The following GLIS3 variants were observed in gnomAD, a reference collection of about 807,000 sequenced individuals.
The protein encoded by GLIS3 is GLIS family zinc finger 3.
In GLIS3, 53 loss-of-function variants were observed where a neutral mutation model predicts 78.6. The observed-to-expected ratio is 0.67, with a 90% confidence interval of 0.54 to 0.85. GLIS3 has a LOEUF of 0.85. GLIS3 is among the 40% of genes least tolerant of loss of function. The pLI is 0.00. For missense variants in GLIS3, 1,703 were observed against 1,231.1 expected, an observed-to-expected ratio of 1.38 and a Z score of -5.74; for synonymous variants, 684 against 509.9, an observed-to-expected ratio of 1.34 and a Z score of -4.60.
intron 4 of GLIS3, among the ~76,000 whole-genome samples, chr9:4,308,190 A>G (rs1817278024): frequency 1.3e-5 from 2 of 151,926 alleles, no homozygotes; most frequent in Admixed American, 1.3e-4. Context: ...CCCTGCCACC[A>G]CCCACTTTCT....
chr9:4,338,627 G>A (rs1325024322), intron 2 of GLIS3, among the ~76,000 whole-genome samples: 3 of 152,158 alleles, frequency 2.0e-5, no homozygotes, highest in Admixed American at 1.3e-4. Flanking sequence ...TTGTTCACAG[G>A]CATTGTTCTG....
chr9:4,455,359 G>A, the GLIS3 span, among the ~76,000 whole-genome samples: 1 of 152,186 alleles, frequency 6.6e-6, no homozygotes, highest in Non-Finnish European at 1.5e-5. Flanking sequence ...TATTAGTGGA[G>A]AGATTATTAA....
intron 4 of GLIS3, among the ~76,000 whole-genome samples, chr9:4,089,837 T>C (rs1464751931): frequency 6.6e-6 from 1 of 152,000 alleles, no homozygotes; most frequent in African/African-American, 2.4e-5. Flanking sequence ...CAAAAACCCA[T>C]AAAAAATTGA....
intron 4 of GLIS3, among the ~76,000 whole-genome samples, chr9:3,940,936 G>C (rs939227902): frequency 6.6e-6 from 1 of 152,176 alleles, no homozygotes; most frequent in Non-Finnish European, 1.5e-5. Flanking sequence ...GCACCCCTGA[G>C]GAGTGGTTCT....
rs10441689 is a variant in GLIS3 at position 3,980,947 on chromosome 9, G to T, written c.1711-43758C>A. Among the ~76,000 whole-genome samples, 6 of 152,142 alleles carry T rather than the reference G, an allele frequency of 3.9e-5. No individual in the cohort carries two copies. The East Asian group carries it at 1.2e-3, about 29-fold the overall frequency. On this transcript the variant is annotated intron_variant, in intron 4 of 10. Coordinates refer to ENST00000381971, the MANE Select transcript of GLIS3 (RefSeq NM_001042413.2). Reference sequence around the variant, plus strand: ...CTGTATTTACTACACGGTTTCTCTCGACAGCCCTCCTGCTCAGCATGCGTG... The same window carrying T: ...CTGTATTTACTACACGGTTTCTCTCTACAGCCCTCCTGCTCAGCATGCGTG...
At chr9:4,471,045 C>T in the GLIS3 span, among the ~76,000 whole-genome samples, 2 of 151,852 alleles carry the variant, frequency 1.3e-5, no homozygotes, top group African/African-American at 2.4e-5. Flanking sequence ...ATCCAACTTA[C>T]AAGGGATGTG....
intron 2 of GLIS3, among the ~76,000 whole-genome samples, chr9:4,195,148 G>A (rs1439458090): frequency 6.6e-6 from 1 of 152,232 alleles, no homozygotes; most frequent in African/African-American, 2.4e-5. Context: ...ACATGCTGGC[G>A]GCCTTTGCTT....
intron 2 of GLIS3, among the ~76,000 whole-genome samples, chr9:4,181,076 C>T (rs140810157): frequency 6.8e-4 from 104 of 152,304 alleles, no homozygotes; most frequent in African/African-American, 2.4e-3. Flanking sequence ...GCATGTCATT[C>T]GTACTCTAAG....
At chr9:4,409,309 T>C in the GLIS3 span, among the ~76,000 whole-genome samples, 1 of 152,332 alleles carries the variant, frequency 6.6e-6, no homozygotes, top group African/African-American at 2.4e-5. Flanking sequence ...AAGTAAACTT[T>C]AACAGGGCTT....
chr9:4,126,093 C>G (rs1832554987), intron 2 of GLIS3, 152 bp from the exon 3 acceptor site: 1 of 660,542 alleles, frequency 1.5e-6, no homozygotes, highest in Admixed American at 2.4e-5. Flanking sequence ...AGGCTTTCTC[C>G]AATTCCAATG....
At chr9:4,034,046 AC>A (rs1824104112) in intron 4 of GLIS3, among the ~76,000 whole-genome samples, 1 of 151,252 alleles carries the variant, frequency 6.6e-6, no homozygotes, top group Non-Finnish European at 1.5e-5. Flanking sequence ...ACATTGTGAG[AC>A]CCCATTTCTA....
At chr9:4,341,346 AG>A (rs1475656553) in intron 2 of GLIS3, among the ~76,000 whole-genome samples, 11 of 152,256 alleles carry the variant, frequency 7.2e-5, no homozygotes, top group Non-Finnish European at 1.2e-4. Flanking sequence ...TGTAGTTATC[AG>A]GCAACATCTG....
chr9:4,362,080 C>G, the GLIS3 span, among the ~76,000 whole-genome samples: 3 of 152,178 alleles, frequency 2.0e-5, no homozygotes, highest in African/African-American at 7.2e-5. Context: ...TATTGGATCA[C>G]TAAAGGGTGC....
At chr9:4,050,083 C>T (rs1825604678) in intron 4 of GLIS3, among the ~76,000 whole-genome samples, 1 of 152,152 alleles carries the variant, frequency 6.6e-6, no homozygotes, top group Non-Finnish European at 1.5e-5. Flanking sequence ...TTTGACCCAG[C>T]CATCCCATTA....
rs1225925164 is a variant in GLIS3, at chr9:3,991,774, T to A, written c.1711-54585A>T. On this transcript the variant is annotated intron_variant, in intron 4 of 10. Coordinates refer to ENST00000381971, the MANE Select transcript of GLIS3 (RefSeq NM_001042413.2). ...GGTGGGATCTCGGCTCACTGCAAGC[T>A]CCGCCTCCCGGCTTCATGCCATTCT... Among the ~76,000 whole-genome samples, 97 of 142,472 alleles carry A rather than the reference T, an allele frequency of 6.8e-4. 1 individual carries two copies. Among genetic ancestry groups the A allele is most frequent in the Non-Finnish European group, 4.5e-5 (3 of 66,492 alleles). The allele number at this position is 142,472 out of a possible 152,430, so 93.5% of individuals were successfully genotyped here.
the GLIS3 span, among the ~76,000 whole-genome samples, chr9:4,371,601 T>A: frequency 6.6e-6 from 1 of 152,092 alleles, no homozygotes; most frequent in Admixed American, 6.5e-5. Flanking sequence ...TCCTTGCTGA[T>A]CTCTCACTGG....
At chr9:3,991,844 C>CCA (rs1563927121) in intron 4 of GLIS3, among the ~76,000 whole-genome samples, 2 of 151,942 alleles carry the variant, frequency 1.3e-5, no homozygotes, top group Admixed American at 1.3e-4. Context: ...GCGCCTGCAA[C>CCA]CATGCCTGGC....
At chr9:4,223,027 T>C (rs765111489) in intron 2 of GLIS3, among the ~76,000 whole-genome samples, 6 of 152,132 alleles carry the variant, frequency 3.9e-5, no homozygotes, top group Non-Finnish European at 5.9e-5. Flanking sequence ...GCTGGGATCT[T>C]TCCAAGAAAG....
intron 7 of GLIS3, among the ~76,000 whole-genome samples, chr9:3,888,619 GC>G (rs1822231454): frequency 1.3e-5 from 2 of 152,134 alleles, no homozygotes; most frequent in Admixed American, 1.3e-4. Flanking sequence ...ATTATCATGA[GC>G]CCTGGGCGAA....
Sources: gnomAD v4.1 joint callset for allele counts (sites outside exome capture counted in the v4.1 genomes callset) on GRCh38, gnomAD v4.1.1 for gene constraint, MANE v1.5 for transcripts, NCBI Gene and HGNC (gene_info 2026-07-23, HGNC 2026-07-21) for gene names.